Variants in C6orf163 observed in about 807,000 individuals in gnomAD.
The protein encoded by C6orf163 is chromosome 6 open reading frame 163, also known as uncharacterized protein C6orf163.
A neutral mutation model predicts 28.4 loss-of-function variants in C6orf163; 22 were observed. That is an observed-to-expected ratio of 0.78 (90% CI 0.55 to 1.11). The LOEUF (loss-of-function observed/expected upper bound fraction) is 1.11, where lower values mean the gene tolerates loss of function less well. Ranked by LOEUF, C6orf163 falls within the 50% of genes least tolerant of loss-of-function variation. The pLI is 0.00. For synonymous variants in C6orf163, 110 were observed against 123.6 expected, an observed-to-expected ratio of 0.89 and a Z score of 0.73; for missense variants, 342 against 389.1, an observed-to-expected ratio of 0.88 and a Z score of 1.02.
chr6:87,350,519 T>C lies in C6orf163; in HGVS notation c.351+18T>C. 7.4e-7 allele frequency: 1 copy of C among 1,347,980 alleles called. No individual in the cohort carries two copies. Among genetic ancestry groups the C allele is most frequent in the Non-Finnish European group, 1.0e-6 (1 of 988,496 alleles). 83.5% of individuals were successfully genotyped at this position (1,347,980 alleles called of 1,614,324 possible). A position where few individuals can be genotyped will look rare whatever the true frequency, so the allele number is the denominator to read the frequency against. ...ATTTACAGGTTTTTATAGTGGCTTA[T>C]TTGTTGTCTTTTAAAAGTAATTACA... On this transcript the variant is annotated intron_variant, in intron 3 of 4. Transcript: ENST00000388923.
intron 1 of C6orf163, chr6:87,348,120 A>C (rs1370699584): frequency 1.2e-6 from 1 of 840,456 alleles, no homozygotes; most frequent in East Asian, 1.2e-4. Context: ...GCGACACTGC[A>C]CTGCAGGCTG....
rs373869435 is a variant in C6orf163 at position 87,356,349 on chromosome 6, G to T, written c.400G>T (p.Glu134Ter). The T allele has an allele frequency of 8.4e-6, 13 of 1,551,578 alleles. No homozygotes were observed. The highest frequency in any genetic ancestry group is 2.7e-5 in the African/African-American group (2 of 73,042). ...KTEMYQNMDD[E>*]MKREHLAAEQ... is the part of the protein sequence containing the mutation. The stretch of plus-strand genomic sequence containing the variant: ...AGAGATGTATCAAAACATGGATGAC[G>T]AAATGAAGAGAGAGCACTTGGCTGC... The change falls in exon 4 of 5, where the codon GAA (glutamate) becomes TAA (stop). Residue 134 changes from glutamate to a stop codon, truncating the protein, a stop_gained. Coordinates refer to ENST00000388923, the MANE Select transcript of C6orf163 (RefSeq NM_001010868.3). LOFTEE classifies it high-confidence loss of function.
In C6orf163 at chr6:87,344,926, C is replaced by G. The variant is rs1286640950; in HGVS notation, c.-174C>G. On this transcript the variant is annotated 5_prime_UTR_variant, in exon 1 of 5. Transcript: ENST00000388923. ...TTTAGCACCATTCTTTAACGTTAGA[C>G]ACATAACCACAGCCTAATCACTTGA... 19 of 536,622 alleles carry G rather than the reference C, an allele frequency of 3.5e-5. No homozygotes were observed. In the East Asian group the frequency reaches 6.0e-4, roughly 17 times the overall value. The allele number at this position is 536,622 out of a possible 1,614,324, so 33.2% of individuals were successfully genotyped here.
In C6orf163 at chr6:87,364,956, T is replaced by C. The variant is rs896826529; in HGVS notation, c.555-5T>C. 17 of 1,529,410 alleles carry C rather than the reference T, an allele frequency of 1.1e-5. No individual in the cohort carries two copies. Among genetic ancestry groups the C allele is most frequent in the Non-Finnish European group, 1.5e-5 (17 of 1,134,592 alleles). The allele number at this position is 1,529,410 out of a possible 1,614,324, so 94.7% of individuals were successfully genotyped here. On this transcript the variant is annotated splice_region_variant and splice_polypyrimidine_tract_variant and intron_variant, in intron 4 of 4. Coordinates refer to ENST00000388923, the MANE Select transcript of C6orf163 (RefSeq NM_001010868.3). The stretch of plus-strand genomic sequence containing the variant: ...TAAATTATAAATCCATATTATCTTT[T>C]GTAGCAAAGCCGTGGAGGAAATTGT...
At chr6:87,349,360 C>G (rs1777377055) in intron 2 of C6orf163, among the ~76,000 whole-genome samples, 1 of 152,140 alleles carries the variant, frequency 6.6e-6, no homozygotes, top group South Asian at 2.1e-4. Context: ...TGTAACACTC[C>G]TGTTTCCTCA....
At chr6:87,352,438 T>C (rs997151945) in intron 3 of C6orf163, among the ~76,000 whole-genome samples, 2 of 152,232 alleles carry the variant, frequency 1.3e-5, no homozygotes, top group Non-Finnish European at 2.9e-5. Context: ...GAACCAAATA[T>C]TAAATTTTGA....
intron 4 of C6orf163, among the ~76,000 whole-genome samples, chr6:87,364,048 C>A (rs1027986474): frequency 3.9e-5 from 6 of 152,056 alleles, no homozygotes; most frequent in Admixed American, 2.0e-4. Context: ...CTTTGGGAGG[C>A]CAGGGCGGGT....
chr6:87,352,046 G>A (rs189607672), intron 3 of C6orf163, among the ~76,000 whole-genome samples: 1 of 152,318 alleles, frequency 6.6e-6, no homozygotes, highest in African/African-American at 2.4e-5. Context: ...GAGGTACTTA[G>A]TGCATCAGTA....
At chr6:87,356,578 A>G in intron 4 of C6orf163, 75 bp downstream of exon 4, 1 of 1,355,806 alleles carries the variant, frequency 7.4e-7, no homozygotes, top group Non-Finnish European at 1.0e-6. Context: ...ATAAGGTTAC[A>G]GTACATAGGT....
intron 4 of C6orf163, among the ~76,000 whole-genome samples, chr6:87,363,041 C>T (rs1324691652): frequency 6.6e-6 from 1 of 152,152 alleles, no homozygotes; most frequent in Non-Finnish European, 1.5e-5. Context: ...ACTTAACCTC[C>T]CTGAGCTCAA....
At position 87,345,234 on chromosome 6, in the gene C6orf163, C is replaced by A; in HGVS notation, c.135C>A (p.His45Gln). 6.5e-7 allele frequency: 1 copy of A among 1,527,930 alleles called. No homozygotes were observed. The highest frequency in any genetic ancestry group is 8.7e-7 in the Non-Finnish European group (1 of 1,144,472). 94.6% of individuals were successfully genotyped at this position (1,527,930 alleles called of 1,614,324 possible). A position where few individuals can be genotyped will look rare whatever the true frequency, so the allele number is the denominator to read the frequency against. Residue 45 changes from histidine (H) to glutamine (Q), a missense_variant, in exon 1 of 5, where the codon CAC becomes CAA. Coordinates refer to ENST00000388923, the MANE Select transcript of C6orf163 (RefSeq NM_001010868.3). ...CACTTAAGACACGCTTTTACACTCA[C>A]AAAGACATACTAGGTAAGTGACTTT... The part of the protein sequence containing the change: ...YKPLKTRFYT[H>Q]KDILDIGANI...
intron 1 of C6orf163, chr6:87,347,877 C>G (rs1465964943): frequency 4.1e-6 from 4 of 985,172 alleles, no homozygotes; most frequent in Non-Finnish European, 4.8e-6. Flanking sequence ...AGAGGAAGAC[C>G]AGGCATGGTG....
intron 4 of C6orf163, among the ~76,000 whole-genome samples, chr6:87,360,301 T>C (rs958124334): frequency 9.2e-5 from 14 of 152,184 alleles, no homozygotes; most frequent in African/African-American, 3.4e-4. Context: ...GTAGACTAAT[T>C]TATGTACATT....
At chr6:87,347,316 C>A in intron 1 of C6orf163, 1 of 806,524 alleles carries the variant, frequency 1.2e-6, no homozygotes, top group Non-Finnish European at 1.5e-6. Context: ...ACAGTATGTG[C>A]ATTTTTAAAA....
chr6:87,356,361 G>A lies in C6orf163; in HGVS notation c.412G>A (p.Glu138Lys), dbSNP rs899589749. 5.2e-6 allele frequency: 8 copies of A among 1,551,608 alleles called. No homozygotes were observed. The African/African-American group carries it at 9.6e-5, about 19-fold the overall frequency. The change falls in exon 4 of 5, where the codon GAG (glutamate) becomes AAG (lysine). Residue 138 changes from glutamate (E) to lysine (K), a missense_variant. By Grantham distance (56) the Glu-to-Lys change is moderately conservative. Transcript: ENST00000388923. Reference protein sequence around the residue: ...YQNMDDEMKREHLAAEQRMVH... With the variant: ...YQNMDDEMKRKHLAAEQRMVH... ...AAACATGGATGACGAAATGAAGAGA[G>A]AGCACTTGGCTGCAGAACAGCGCAT...
chr6:87,346,558 T>G (rs73755406), intron 1 of C6orf163, among the ~76,000 whole-genome samples: 2,403 of 152,344 alleles, frequency 0.016, 59 homozygotes, highest in African/African-American at 0.053. Context: ...CATTGAACTG[T>G]TTTAAGTTAA....
chr6:87,348,265 G>A (rs1229941928), intron 1 of C6orf163: 1 of 984,258 alleles, frequency 1.0e-6, no homozygotes, highest in Non-Finnish European at 1.2e-6. Context: ...ATATTATTAT[G>A]GGAATGTTAT....
chr6:87,356,033 C>A, intron 3 of C6orf163: 1 of 393,326 alleles, frequency 2.5e-6, no homozygotes, highest in East Asian at 4.4e-5. Context: ...TAACCCTACC[C>A]CTCTAACCCA....
At chr6:87,345,743 G>A (rs1431715031) in intron 1 of C6orf163, among the ~76,000 whole-genome samples, 1 of 151,734 alleles carries the variant, frequency 6.6e-6, no homozygotes, top group Non-Finnish European at 1.5e-5. Flanking sequence ...CCAACATGGC[G>A]AAACCCCGTC....
Sources: allele counts gnomAD v4.1 joint callset (sites outside exome capture counted in the v4.1 genomes callset), GRCh38; gene constraint gnomAD v4.1.1; transcripts MANE v1.5; gene names NCBI Gene and HGNC (gene_info 2026-07-23, HGNC 2026-07-21).